The following FMOD variants were observed in gnomAD, a reference collection of about 807,000 sequenced individuals.
FMOD encodes fibromodulin, also known as KSPG fibromodulin.
Under a neutral mutation model 27.0 loss-of-function variants are expected in FMOD, and 15 were observed. The ratio of observed to expected loss-of-function variants is 0.55; its 90% CI spans 0.37 to 0.85. The LOEUF (loss-of-function observed/expected upper bound fraction) is 0.85. Ranked by LOEUF, FMOD falls within the 40% of genes least tolerant of loss-of-function variation. The probability of loss-of-function intolerance (pLI) is 0.00; values close to 1 mark genes in which losing one functional copy is unlikely to be tolerated. For missense variants in FMOD, 460 were observed against 483.2 expected, an observed-to-expected ratio of 0.95 and a Z score of 0.45; for synonymous variants, 210 against 214.0, an observed-to-expected ratio of 0.98 and a Z score of 0.16.
At chr1:203,349,322 C>T (rs1658951871) in intron 1 of FMOD, among the ~76,000 whole-genome samples, 3 of 152,188 alleles carry the variant, frequency 2.0e-5, no homozygotes, top group Non-Finnish European at 2.9e-5. Flanking sequence ...CTACCTGCTC[C>T]CAGCGATGAC....
rs1475149303 is a variant in FMOD at position 203,342,455 on chromosome 1, A to G, written c.1019T>C (p.Val340Ala). The change falls in exon 3 of 3, where the codon GTG (valine) becomes GCG (alanine). Residue 340 changes from valine (V) to alanine (A), a missense_variant. Val to Ala is a moderately conservative substitution (Grantham distance 64). Coordinates refer to ENST00000354955, the MANE Select transcript of FMOD (RefSeq NM_002023.5). ...CAGCACCTGCAGCTTGGAGAAGTTCACGACGTCCACCACGGTGCAGAAGCT... is the reference window on the plus strand; with the variant it reads ...CAGCACCTGCAGCTTGGAGAAGTTCGCGACGTCCACCACGGTGCAGAAGCT... Reference protein sequence around the residue: ...ISSFCTVVDVVNFSKLQVLRL... With the variant: ...ISSFCTVVDVANFSKLQVLRL... The G allele has an allele frequency of 6.2e-7, 1 of 1,614,050 alleles. No homozygotes were observed.
chr1:203,346,102 CCT>C (rs1432589737), intron 2 of FMOD, among the ~76,000 whole-genome samples: 20 of 152,156 alleles, frequency 1.3e-4, no homozygotes, highest in Non-Finnish European at 2.2e-4. Flanking sequence ...GGGGCTGGTG[CCT>C]CTCTCACTCA....
At chr1:203,350,917 GAGA>G (rs1158806118) in intron 1 of FMOD, 113 bp downstream of exon 1, 1 of 152,240 alleles carries the variant, frequency 6.6e-6, no homozygotes, top group Non-Finnish European at 1.5e-5. Context: ...CCCAGATGTG[GAGA>G]AGGAGGAATG....
Position 203,347,453 on chromosome 1 carries a change from A to C in FMOD, c.818T>G (p.Val273Gly). The C allele has an allele frequency of 6.2e-7, 1 of 1,614,196 alleles. No homozygotes were observed. The highest frequency in any genetic ancestry group is 2.2e-5 in the East Asian group (1 of 44,886). The change falls in exon 2 of 3, where the codon GTG (valine) becomes GGG (glycine). Residue 273 changes from valine to glycine, a missense_variant. Val to Gly is a moderately radical substitution (Grantham distance 109). Transcript: ENST00000354955. The stretch of plus-strand genomic sequence containing the variant: ...GGTTAGACTGTTGTGGGACAGCCGC[A>C]CATACAGCAGCTTGGGCGCCCCCCG... ...YFRGAPKLLY[V>G]RLSHNSLTNN...
In FMOD at chr1:203,341,788, C is replaced by G. The variant is rs1164174740; in HGVS notation, c.*555G>C. The G allele has an allele frequency of 6.6e-6, 1 of 152,370 alleles. No homozygotes were observed. Among genetic ancestry groups the G allele is most frequent in the Non-Finnish European group, 1.5e-5 (1 of 68,236 alleles). 9.4% of individuals were successfully genotyped at this position (152,370 alleles called of 1,614,324 possible). On this transcript the variant is annotated 3_prime_UTR_variant, in exon 3 of 3. Coordinates refer to ENST00000354955, the MANE Select transcript of FMOD (RefSeq NM_002023.5). ...AGGTTGCTGGGCAGATGCTCACATG[C>G]CTTGGGGTCTCCTGACTCTGCTTAA...
chr1:203,341,055 G>T lies in FMOD; in HGVS notation c.*1288C>A, dbSNP rs1658786874. 1 of 152,292 alleles carries T rather than the reference G, an allele frequency of 6.6e-6. No individual in the cohort carries two copies. The highest frequency in any genetic ancestry group is 1.5e-5 in the Non-Finnish European group (1 of 68,072). 9.4% of individuals were successfully genotyped at this position (152,292 alleles called of 1,614,324 possible). A position where few individuals can be genotyped will look rare whatever the true frequency, so the allele number is the denominator to read the frequency against. ...TACCTTTTGAAATGGGAAGAATTAA[G>T]TGCTCCCCAGCCAAACTATAAAGCA... On this transcript the variant is annotated 3_prime_UTR_variant, in exon 3 of 3. Coordinates refer to ENST00000354955, the MANE Select transcript of FMOD (RefSeq NM_002023.5).
chr1:203,342,606 G>T, intron 2 of FMOD, 112 bp from the exon 3 acceptor site: 3 of 1,099,230 alleles, frequency 2.7e-6, no homozygotes, highest in Non-Finnish European at 3.9e-6. Context: ...GGAAGTTGGG[G>T]ATGGAGGGCA....
At chr1:203,344,975 T>C (rs1478922848) in intron 2 of FMOD, among the ~76,000 whole-genome samples, 4 of 152,186 alleles carry the variant, frequency 2.6e-5, no homozygotes, top group Non-Finnish European at 4.4e-5. Context: ...AAACTGCCTG[T>C]CAACTTTAAA....
At chr1:203,350,400 G>A (rs75860259) in intron 1 of FMOD, among the ~76,000 whole-genome samples, 12,804 of 152,142 alleles carry the variant, frequency 0.084, 613 homozygotes, top group African/African-American at 0.14. Flanking sequence ...GTTTACTCAG[G>A]AGCTACTGCT....
chr1:203,346,881 A>T (rs1479356655), intron 2 of FMOD, among the ~76,000 whole-genome samples: 2 of 152,172 alleles, frequency 1.3e-5, no homozygotes, highest in African/African-American at 4.8e-5. Context: ...CTGCTCCCTG[A>T]CACATGACCC....
chr1:203,348,184 G>A lies in FMOD; in HGVS notation c.87C>T (p.His29=), dbSNP rs1658929462. The A allele has an allele frequency of 6.2e-7, 1 of 1,614,092 alleles. No individual in the cohort carries two copies. ...AGGTGGACTGCTGGCTGCGGAGGTA[G>A]TGGAACCACCAATGAGGGTCATCTT... ...QYEDDPHWWF[H]YLRSQQSTYY... The change falls in exon 2 of 3, where the codon CAC becomes CAT. Residue 29 remains histidine (H), a synonymous_variant. Coordinates refer to ENST00000354955, the MANE Select transcript of FMOD (RefSeq NM_002023.5).
intron 2 of FMOD, among the ~76,000 whole-genome samples, chr1:203,343,798 C>T (rs550566086): frequency 3.8e-4 from 58 of 152,260 alleles, no homozygotes; most frequent in African/African-American, 1.4e-3. Context: ...GAAGACAGTT[C>T]CAAGAAAGAC....
At chr1:203,348,974 T>C (rs1376953285) in intron 1 of FMOD, among the ~76,000 whole-genome samples, 1 of 152,198 alleles carries the variant, frequency 6.6e-6, no homozygotes, top group Non-Finnish European at 1.5e-5. Flanking sequence ...TGGTTAGCAG[T>C]TTGTGGCTAC....
At chr1:203,349,016 G>A (rs16851364) in intron 1 of FMOD, among the ~76,000 whole-genome samples, 27,884 of 152,184 alleles carry the variant, frequency 0.18, 2,967 homozygotes, top group East Asian at 0.35. Context: ...GGGTCTTCAT[G>A]CAGCAGTTAC....
chr1:203,347,376 C>T lies in FMOD; in HGVS notation c.895G>A (p.Asp299Asn). Residue 299 changes from aspartate to asparagine, a missense_variant, in exon 2 of 3, where the codon GAC (aspartate) becomes AAC (asparagine). Physicochemically the swap from Asp to Asn is conservative, Grantham distance 23 (BLOSUM62 1). Transcript: ENST00000354955. The stretch of plus-strand genomic sequence containing the variant: ...TTCTGCAGCTGGTTGTAGGAGAGGT[C>T]TAGCTCAAGGAGGCTGCTGGAATTG... ...TFNSSSLLELDLSYNQLQKIP... is the reference protein window; with the variant it reads ...TFNSSSLLELNLSYNQLQKIP... 6 of 1,614,132 alleles carry T rather than the reference C, an allele frequency of 3.7e-6. No individual in the cohort carries two copies. In the South Asian group the frequency reaches 6.6e-5, roughly 18 times the overall value.
At chr1:203,349,496 G>T (rs1658955668) in intron 1 of FMOD, among the ~76,000 whole-genome samples, 1 of 152,182 alleles carries the variant, frequency 6.6e-6, no homozygotes, top group African/African-American at 2.4e-5. Flanking sequence ...AGAGACTAGG[G>T]GTGGCCTGGG....
In FMOD at chr1:203,348,228, G is replaced by C. The variant is rs761649531; in HGVS notation, c.43C>G (p.Leu15Val). The stretch of plus-strand genomic sequence containing the variant: ...TCATCTTCATACTGGGCCTGGGAGA[G>C]GGAGAAGAGCCCTGCCAGCAGCAGG... ...SLLLLAGLFSLSQAQYEDDPH... is the reference protein window; with the variant it reads ...SLLLLAGLFSVSQAQYEDDPH... The change falls in exon 2 of 3, where the codon CTC becomes GTC. Residue 15 changes from leucine to valine, a missense_variant. Leu to Val is a conservative substitution (Grantham distance 32, BLOSUM62 1). Transcript: ENST00000354955. The C allele has an allele frequency of 6.2e-7, 1 of 1,614,148 alleles. No individual in the cohort carries two copies. The highest frequency in any genetic ancestry group is 8.5e-7 in the Non-Finnish European group (1 of 1,180,018).
Position 203,347,519 on chromosome 1 carries a change from A to T in FMOD, c.752T>A (p.Met251Lys), listed in dbSNP as rs758114207. Residue 251 changes from methionine to lysine, a missense_variant, in exon 2 of 3, where the codon ATG becomes AAG. By Grantham distance (95) the Met-to-Lys change is moderately conservative. Coordinates refer to ENST00000354955, the MANE Select transcript of FMOD (RefSeq NM_002023.5). Reference sequence around the variant, plus strand: ...GACGGTGTAGACATTGTTGTGCTCCATGTACAGCTGCTCAAGAGCTGAGGG... The same window carrying T: ...GACGGTGTAGACATTGTTGTGCTCCTTGTACAGCTGCTCAAGAGCTGAGGG... ...GLPSALEQLYMEHNNVYTVPD... is the reference protein window; with the variant it reads ...GLPSALEQLYKEHNNVYTVPD... 4 of 1,614,188 alleles carry T rather than the reference A, an allele frequency of 2.5e-6. No homozygotes were observed. Among genetic ancestry groups the T allele is most frequent in the Non-Finnish European group, 3.4e-6 (4 of 1,180,032 alleles).
intron 2 of FMOD, 89 bp downstream of exon 2, chr1:203,347,203 A>C: frequency 6.8e-7 from 1 of 1,468,342 alleles, no homozygotes; most frequent in Non-Finnish European, 9.2e-7. Context: ...CCCTATTTCT[A>C]TTTCTTTTGT....
Sources: allele counts gnomAD v4.1 joint callset (sites outside exome capture counted in the v4.1 genomes callset), GRCh38; gene constraint gnomAD v4.1.1; transcripts MANE v1.5; gene names NCBI Gene and HGNC (gene_info 2026-07-23, HGNC 2026-07-21).